The following TMED10 variants were observed in gnomAD, a reference collection of about 807,000 sequenced individuals.
The protein encoded by TMED10 is transmembrane p24 trafficking protein 10.
In TMED10, 7 loss-of-function variants were observed where a neutral mutation model predicts 23.1. The ratio of observed to expected loss-of-function variants is 0.30; its 90% confidence interval spans 0.17 to 0.57. The LOEUF (loss-of-function observed/expected upper bound fraction) is 0.57. TMED10 is among the 20% of genes least tolerant of loss of function. The pLI, the probability that TMED10 is intolerant of heterozygous loss-of-function variation, is 0.91. For synonymous variants in TMED10, 113 were observed against 106.9 expected (o/e 1.06, Z -0.35); for missense variants, 162 against 274.8 (o/e 0.59, Z 2.90).
intron 1 of TMED10, among the ~76,000 whole-genome samples, chr14:75,154,228 C>A (rs1895991739): frequency 2.2e-5 from 1 of 45,568 alleles, no homozygotes; most frequent in East Asian, 8.2e-4. Context: ...CCCGTCTTTA[C>A]TAAAAATACA....
intron 1 of TMED10, among the ~76,000 whole-genome samples, chr14:75,173,356 G>GGAGGGAGGGAGA (rs1216215209): frequency 6.6e-6 from 1 of 151,616 alleles, no homozygotes; most frequent in African/African-American, 2.4e-5. Flanking sequence ...GCCACTGGAG[G>GGAGGGAGGGAGA]GAGGGAGGGA....
intron 1 of TMED10, among the ~76,000 whole-genome samples, chr14:75,163,945 T>C (rs1896116939): frequency 6.6e-6 from 1 of 152,108 alleles, no homozygotes; most frequent in African/African-American, 2.4e-5. Flanking sequence ...TTAAATGTTA[T>C]ACAGGTAAAC....
chr14:75,135,657 A>G, intron 4 of TMED10, 103 bp downstream of exon 4: 1 of 1,502,190 alleles, frequency 6.7e-7, no homozygotes, highest in Non-Finnish European at 8.9e-7. Context: ...CCCTCCATAT[A>G]CCCACCTTGG....
intron 1 of TMED10, among the ~76,000 whole-genome samples, chr14:75,169,868 G>A (rs1415671884): frequency 6.6e-6 from 1 of 152,130 alleles, no homozygotes; most frequent in Non-Finnish European, 1.5e-5. Flanking sequence ...TGGCACTTAG[G>A]AGTTGCACTC....
At position 75,176,565 on chromosome 14, in the gene TMED10, A is replaced by T. The variant is rs766167224; in HGVS notation, c.15T>A (p.Ser5=). The change falls in exon 1 of 5, where the codon TCT becomes TCA. Residue 5 remains serine, a synonymous_variant. Transcript: ENST00000303575. MSGL[S]GPPARRGPFP... is the part of the protein sequence containing the mutation. ...AAGGGCCGCGCCGGGCTGGTGGGCC[A>T]GACAAACCAGACATGGTGCTGGAGA... 2.5e-6 allele frequency: 4 copies of T among 1,614,140 alleles called. No homozygotes were observed. The highest frequency in any genetic ancestry group is 2.5e-6 in the Non-Finnish European group (3 of 1,180,010).
Position 75,148,917 on chromosome 14 carries a change from A to C in TMED10, c.338-1180T>G, listed in dbSNP as rs909730646. Among the ~76,000 whole-genome samples the C allele has an allele frequency of 2.6e-5, 4 of 152,294 alleles. No individual in the cohort carries two copies. In the East Asian group the frequency reaches 7.7e-4, roughly 29 times the overall value. On this transcript the variant is annotated intron_variant, in intron 2 of 4. Coordinates refer to ENST00000303575, the MANE Select transcript of TMED10 (RefSeq NM_006827.6). ...ACCTTTAATTTTATTTATTTAATTA[A>C]AAAAAATTTTTTGAGACAGGTTCTT...
chr14:75,162,934 C>T (rs1456081890), intron 1 of TMED10, among the ~76,000 whole-genome samples: 4 of 152,054 alleles, frequency 2.6e-5, no homozygotes, highest in Non-Finnish European at 5.9e-5. Context: ...GGCCAGGGTC[C>T]TCAAAACTCA....
At chr14:75,147,459 G>T in intron 3 of TMED10, 1 of 609,450 alleles carries the variant, frequency 1.6e-6, no homozygotes, top group Non-Finnish European at 2.9e-6. Flanking sequence ...CTCCCAAAGT[G>T]CTGGGATTAC....
intron 1 of TMED10, among the ~76,000 whole-genome samples, chr14:75,175,183 A>G (rs1896288130): frequency 6.6e-6 from 1 of 152,142 alleles, no homozygotes; most frequent in African/African-American, 2.4e-5. Flanking sequence ...ACTGACAGAT[A>G]TCAAATTATA....
Position 75,132,384 on chromosome 14 carries a change from T to TTTCC in TMED10, c.*2500_*2501insGGAA, listed in dbSNP as rs1555355307. On this transcript the variant is annotated 3_prime_UTR_variant, in exon 5 of 5. Transcript: ENST00000303575. ...GCCTGGGCGTTGCAGCAAGACTCCGTCCCCCCCCCCCCAAAAAAAAAAAAG... is the reference window on the plus strand; with the variant it reads ...GCCTGGGCGTTGCAGCAAGACTCCGTTTCCCCCCCCCCCCCCAAAAAAAAAAAAG... 5.7e-5 allele frequency: 3 copies of TTTCC among 52,890 alleles called. No individual in the cohort carries two copies. Among genetic ancestry groups the TTTCC allele is most frequent in the African/African-American group, 2.3e-4 (3 of 12,878 alleles). 3.3% of individuals were successfully genotyped at this position (52,890 alleles called of 1,614,324 possible).
chr14:75,150,535 T>A lies in TMED10; in HGVS notation c.337+1497A>T, dbSNP rs1030302791. Among the ~76,000 whole-genome samples, 61 of 152,224 alleles carry A rather than the reference T, an allele frequency of 4.0e-4. 1 individual carries two copies. The highest frequency in any genetic ancestry group is 1.1e-3 in the Admixed American group (17 of 15,286). ...TATGAAGGTGGTCCCATAAGATTAT[T>A]ATAATACTGTATTTTTACTATATCT... is the stretch of plus-strand genomic sequence containing the variant. On this transcript the variant is annotated intron_variant, in intron 2 of 4. Coordinates refer to ENST00000303575, the MANE Select transcript of TMED10 (RefSeq NM_006827.6).
chr14:75,149,666 G>A (rs916677811), intron 2 of TMED10, among the ~76,000 whole-genome samples: 2 of 152,248 alleles, frequency 1.3e-5, no homozygotes, highest in East Asian at 3.8e-4. Context: ...GGGAAGAGGA[G>A]AGAAGATTGT....
chr14:75,135,109 T>C (rs1194601550), intron 4 of TMED10, 103 bp from the exon 5 acceptor site: 11 of 1,412,126 alleles, frequency 7.8e-6, no homozygotes, highest in Non-Finnish European at 9.8e-7. Context: ...AACTTCACTC[T>C]GTCCCTAGGT....
At position 75,132,677 on chromosome 14, in the gene TMED10, CA is replaced by C. The variant is rs1895702346; in HGVS notation, c.*2207del. 1 of 152,142 alleles carries C rather than the reference CA, an allele frequency of 6.6e-6. No individual in the cohort carries two copies. The highest frequency in any genetic ancestry group is 1.5e-5 in the Non-Finnish European group (1 of 68,028). 9.4% of individuals were successfully genotyped at this position (152,142 alleles called of 1,614,324 possible). On this transcript the variant is annotated 3_prime_UTR_variant, in exon 5 of 5. Transcript: ENST00000303575. The stretch of plus-strand genomic sequence containing the variant: ...AAAAAAAAGTTTGGGTTCATAGTAG[CA>C]GGAACATTAACAGAATAGCCTGAGA...
chr14:75,166,940 T>A (rs1896171157), intron 1 of TMED10, among the ~76,000 whole-genome samples: 1 of 36,862 alleles, frequency 2.7e-5, no homozygotes, highest in Non-Finnish European at 6.3e-5. Context: ...ATCCTATTCC[T>A]TTTTTTTTTT....
intron 3 of TMED10, chr14:75,136,779 C>T (rs1895755575): frequency 6.6e-6 from 1 of 152,120 alleles, no homozygotes; most frequent in South Asian, 2.1e-4. Flanking sequence ...TAGAATGACA[C>T]AGCCAGTTAT....
chr14:75,143,952 G>C (rs1478978595), intron 3 of TMED10, among the ~76,000 whole-genome samples: 2 of 145,378 alleles, frequency 1.4e-5, no homozygotes, highest in Non-Finnish European at 3.0e-5. Flanking sequence ...AAAAAAAAAG[G>C]ACTTTGGATC....
At chr14:75,146,031 A>T (rs1895879412) in intron 3 of TMED10, among the ~76,000 whole-genome samples, 1 of 152,232 alleles carries the variant, frequency 6.6e-6, no homozygotes, top group Admixed American at 6.5e-5. Context: ...TATAATTAAG[A>T]TTCTTCTGAA....
intron 3 of TMED10, 76 bp from the exon 4 acceptor site, chr14:75,135,962 G>A: frequency 6.4e-7 from 1 of 1,566,090 alleles, no homozygotes; most frequent in Non-Finnish European, 8.6e-7. Context: ...CAACAGAGAA[G>A]TCTTTTTTAA....
Sources: gnomAD v4.1 joint callset for allele counts (sites outside exome capture counted in the v4.1 genomes callset) on GRCh38, gnomAD v4.1.1 for gene constraint, MANE v1.5 for transcripts, NCBI Gene and HGNC (gene_info 2026-07-23, HGNC 2026-07-21) for gene names.